Variants in ATG3 observed in about 807,000 individuals in gnomAD.
ATG3 encodes ubiquitin-like-conjugating enzyme ATG3.
ATG3 carries 25 observed loss-of-function variants against 50.7 expected under a neutral mutation model. The ratio of observed to expected loss-of-function variants is 0.49; its 90% CI spans 0.36 to 0.69. ATG3 has a LOEUF of 0.69. ATG3 is among the 30% of genes least tolerant of loss of function. The pLI is 0.00. For missense variants in ATG3, 281 were observed against 376.0 expected, an observed-to-expected ratio of 0.75 and a Z score of 2.09; for synonymous variants, 119 against 125.5, an observed-to-expected ratio of 0.95 and a Z score of 0.34.
Position 112,532,587 on chromosome 3 carries a change from T to C in ATG3, c.*112A>G. Reference sequence around the variant, plus strand: ...TTTATTTAATGCATAAACATATAAGTCCCTTATTAGAGAAACTGTATATAT... The same window carrying C: ...TTTATTTAATGCATAAACATATAAGCCCCTTATTAGAGAAACTGTATATAT... On this transcript the variant is annotated 3_prime_UTR_variant, in exon 12 of 12. Coordinates refer to ENST00000283290, the MANE Select transcript of ATG3 (RefSeq NM_022488.5). 1.5e-6 allele frequency: 1 copy of C among 689,006 alleles called. No homozygotes were observed. The highest frequency in any genetic ancestry group is 3.2e-5 in the East Asian group (1 of 31,576). The allele number at this position is 689,006 out of a possible 1,614,324, so 42.7% of individuals were successfully genotyped here. A position where few individuals can be genotyped will look rare whatever the true frequency, so the allele number is the denominator to read the frequency against.
At chr3:112,549,455 T>C (rs1259721121) in intron 4 of ATG3, among the ~76,000 whole-genome samples, 1 of 152,214 alleles carries the variant, frequency 6.6e-6, no homozygotes, top group African/African-American at 2.4e-5. Flanking sequence ...GTTTTGTGAT[T>C]AGTTAGGAAC....
At position 112,561,723 on chromosome 3, in the gene ATG3, C is replaced by A; in HGVS notation, c.-195G>T. ...GGGCGGCAGGCACAGCGCGCGAAGA[C>A]GGGGTGCGCGATCCTCGCACCCCAG... On this transcript the variant is annotated 5_prime_UTR_variant, in exon 1 of 12. Coordinates refer to ENST00000283290, the MANE Select transcript of ATG3 (RefSeq NM_022488.5). 1 of 587,668 alleles carries A rather than the reference C, an allele frequency of 1.7e-6. No individual in the cohort carries two copies. The highest frequency in any genetic ancestry group is 2.9e-6 in the Non-Finnish European group (1 of 345,530). The allele number at this position is 587,668 out of a possible 1,614,324, so 36.4% of individuals were successfully genotyped here.
intron 6 of ATG3, among the ~76,000 whole-genome samples, chr3:112,542,089 T>C (rs536357422): frequency 6.6e-6 from 1 of 151,718 alleles, no homozygotes; most frequent in East Asian, 1.9e-4. Context: ...GACTGAAAAA[T>C]AACAAAGGTT....
rs767298614 is a variant in ATG3, at chr3:112,558,357, GTA to G, written c.114+17_114+18del. 1 of 1,574,388 alleles carries G rather than the reference GTA, an allele frequency of 6.4e-7. No homozygotes were observed. Among genetic ancestry groups the G allele is most frequent in the East Asian group, 2.3e-5 (1 of 44,344 alleles). ...ATTATTGTAAAATAAAAAGACTTCA[GTA>G]TATCTTCAGCACTCACCTCTTCTGG... is the stretch of plus-strand genomic sequence containing the variant. On this transcript the variant is annotated intron_variant, in intron 2 of 11. Transcript: ENST00000283290.
rs532042670 is a variant in ATG3, at chr3:112,542,677, A to C, written c.394-793T>G. On this transcript the variant is annotated intron_variant, in intron 6 of 11. Coordinates refer to ENST00000283290, the MANE Select transcript of ATG3 (RefSeq NM_022488.5). ...ATTATTATATGAGCTAATATTTAAC[A>C]AATTAATCATTAAGAAAAAGTTTCA... is the stretch of plus-strand genomic sequence containing the variant. 3.5e-4 allele frequency among the ~76,000 whole-genome samples: 54 copies of C among 152,216 alleles called. No individual in the cohort carries two copies. In the South Asian group the frequency reaches 4.1e-3, roughly 12 times the overall value.
intron 11 of ATG3, chr3:112,533,061 A>G (rs949638333): frequency 3.8e-6 from 4 of 1,066,480 alleles, no homozygotes; most frequent in East Asian, 1.5e-4. Context: ...ACAAAGCTAT[A>G]CATGTTTAAA....
intron 4 of ATG3, among the ~76,000 whole-genome samples, chr3:112,549,650 A>C (rs1260888129): frequency 6.6e-6 from 1 of 152,072 alleles, no homozygotes; most frequent in African/African-American, 2.4e-5. Context: ...CTCTACTAAA[A>C]ATACAAAAAT....
At position 112,547,709 on chromosome 3, in the gene ATG3, G is replaced by T. The variant is rs555899116; in HGVS notation, c.343+824C>A. ...TCAACTCATTTAACAAATATTTACTGAACAACTTCTACATCATACACTGTG... is the reference window on the plus strand; with the variant it reads ...TCAACTCATTTAACAAATATTTACTTAACAACTTCTACATCATACACTGTG... On this transcript the variant is annotated intron_variant, in intron 5 of 11. Transcript: ENST00000283290. Among the ~76,000 whole-genome samples, 17 of 152,286 alleles carry T rather than the reference G, an allele frequency of 1.1e-4. No individual in the cohort carries two copies. In the South Asian group the frequency reaches 1.9e-3, roughly 17 times the overall value.
At chr3:112,544,352 T>C (rs1373183533) in intron 5 of ATG3, among the ~76,000 whole-genome samples, 1 of 152,168 alleles carries the variant, frequency 6.6e-6, no homozygotes, top group Non-Finnish European at 1.5e-5. Flanking sequence ...ATCACAACAC[T>C]TTCTGAGAAA....
At chr3:112,545,779 TA>T (rs1933352386) in intron 5 of ATG3, among the ~76,000 whole-genome samples, 1 of 152,092 alleles carries the variant, frequency 6.6e-6, no homozygotes, top group Non-Finnish European at 1.5e-5. Flanking sequence ...CTAATGAGAG[TA>T]ATACTCTAAA....
At chr3:112,540,701 G>T (rs1933201253) in intron 7 of ATG3, among the ~76,000 whole-genome samples, 1 of 151,450 alleles carries the variant, frequency 6.6e-6, no homozygotes, top group South Asian at 2.1e-4. Flanking sequence ...CATAGAAGAT[G>T]ACTAGAAGAA....
chr3:112,558,330 G>C lies in ATG3; in HGVS notation c.114+46C>G, dbSNP rs768392902. 4 of 1,410,692 alleles carry C rather than the reference G, an allele frequency of 2.8e-6. No homozygotes were observed. The East Asian group carries it at 9.3e-5, about 33-fold the overall frequency. 87.4% of individuals were successfully genotyped at this position (1,410,692 alleles called of 1,614,324 possible). A position where few individuals can be genotyped will look rare whatever the true frequency, so the allele number is the denominator to read the frequency against. ...TGAAGCAGAAAAGCCACCTAGTTTA[G>C]TATTATTGTAAAATAAAAAGACTTC... On this transcript the variant is annotated intron_variant, in intron 2 of 11. Coordinates refer to ENST00000283290, the MANE Select transcript of ATG3 (RefSeq NM_022488.5).
intron 1 of ATG3, among the ~76,000 whole-genome samples, chr3:112,559,237 A>T (rs1396667628): frequency 6.6e-6 from 1 of 152,186 alleles, no homozygotes; most frequent in East Asian, 1.9e-4. Flanking sequence ...TTTTCCTCTA[A>T]TTCTCATCTC....
In ATG3 at chr3:112,538,595, C is replaced by A. The variant is rs971793505; in HGVS notation, c.476-415G>T. ...TTTCCTTGGCTTTTAAAATATTTTC[C>A]TGGCTTTCCTCCCTCATCACTGAGT... On this transcript the variant is annotated intron_variant, in intron 7 of 11. Transcript: ENST00000283290. Among the ~76,000 whole-genome samples, 7 of 152,298 alleles carry A rather than the reference C, an allele frequency of 4.6e-5. No homozygotes were observed. In the East Asian group the frequency reaches 1.3e-3, roughly 29 times the overall value.
intron 5 of ATG3, among the ~76,000 whole-genome samples, chr3:112,544,904 T>C (rs1436678955): frequency 2.0e-5 from 3 of 152,152 alleles, no homozygotes; most frequent in African/African-American, 7.2e-5. Context: ...ATGAGCATTT[T>C]ATTTGAGCAT....
At position 112,532,521 on chromosome 3, in the gene ATG3, T is replaced by C; in HGVS notation, c.*178A>G. On this transcript the variant is annotated 3_prime_UTR_variant, in exon 12 of 12. Transcript: ENST00000283290. ...GACACAAGAAAAACTCTCTTTGCAC[T>C]GATTTTTATTAAACAAGTAAGGCTG... The C allele has an allele frequency of 2.5e-6, 1 of 405,918 alleles. No individual in the cohort carries two copies. The highest frequency in any genetic ancestry group is 4.2e-6 in the Non-Finnish European group (1 of 237,084). 25.1% of individuals were successfully genotyped at this position (405,918 alleles called of 1,614,324 possible).
At chr3:112,560,219 G>A (rs979242635) in intron 1 of ATG3, among the ~76,000 whole-genome samples, 15 of 152,136 alleles carry the variant, frequency 9.9e-5, no homozygotes, top group African/African-American at 3.1e-4. Context: ...TGTATACCTA[G>A]GTAGATATGA....
rs555287522 is a variant in ATG3, at chr3:112,551,729, A to T, written c.165-1467T>A. ...TTTCACAAAATGAATACTACTGTAA[A>T]CCTCATTTCCCTATTTGACTTGAAA... On this transcript the variant is annotated intron_variant, in intron 3 of 11. Coordinates refer to ENST00000283290, the MANE Select transcript of ATG3 (RefSeq NM_022488.5). 6.6e-5 allele frequency among the ~76,000 whole-genome samples: 10 copies of T among 152,302 alleles called. No homozygotes were observed. The South Asian group carries it at 2.1e-3, about 32-fold the overall frequency.
chr3:112,533,975 A>G (rs1158273740), intron 11 of ATG3: 1 of 1,146,662 alleles, frequency 8.7e-7, no homozygotes, highest in Non-Finnish European at 1.1e-6. Flanking sequence ...GTAACATGTT[A>G]AACTGGAAAT....
Sources: gnomAD v4.1 joint callset for allele counts (sites outside exome capture counted in the v4.1 genomes callset) on GRCh38, gnomAD v4.1.1 for gene constraint, MANE v1.5 for transcripts, NCBI Gene and HGNC (gene_info 2026-07-23, HGNC 2026-07-21) for gene names.